KDM4A: variants seen among roughly 807,000 people sequenced by gnomAD.
KDM4A encodes the protein lysine-specific demethylase 4A.
Under a neutral mutation model 127.1 loss-of-function variants are expected in KDM4A, and 23 were observed. That is an observed-to-expected ratio of 0.18 (90% CI 0.13 to 0.26). KDM4A has a LOEUF of 0.26. KDM4A is among the 10% of genes least tolerant of loss of function. The pLI is 1.00. For missense variants in KDM4A, 890 were observed against 1,329.1 expected, an observed-to-expected ratio of 0.67 and a Z score of 5.14; for synonymous variants, 443 against 466.5, an observed-to-expected ratio of 0.95 and a Z score of 0.65.
rs1448781795 is a variant in KDM4A, at chr1:43,667,520, A to G, written c.916-252A>G. Among the ~76,000 whole-genome samples the G allele has an allele frequency of 4.5e-4, 68 of 151,994 alleles. 1 individual carries two copies. Among genetic ancestry groups the G allele is most frequent in the Admixed American group, 4.5e-3 (68 of 15,264 alleles). On this transcript the variant is annotated intron_variant, in intron 8 of 21. Coordinates refer to ENST00000372396, the MANE Select transcript of KDM4A (RefSeq NM_014663.3). ...GGGGGCCTAAGTGCAGAGCCTAACC[A>G]CCCTCTGTGACCCCGAGTTAGTGCC...
chr1:43,686,810 T>G (rs939972995), intron 12 of KDM4A, among the ~76,000 whole-genome samples: 3 of 152,226 alleles, frequency 2.0e-5, no homozygotes, highest in Admixed American at 1.3e-4. Flanking sequence ...TTAAAAAAAT[T>G]TCAATTCAAG....
chr1:43,689,818 G>A (rs1661068368), intron 13 of KDM4A, among the ~76,000 whole-genome samples: 1 of 152,222 alleles, frequency 6.6e-6, no homozygotes, highest in South Asian at 2.1e-4. Context: ...GAGCCTGGCA[G>A]GGCCCCAGAT....
At chr1:43,689,244 TCTTC>T in intron 13 of KDM4A, 149 bp downstream of exon 13, 1 of 787,658 alleles carries the variant, frequency 1.3e-6, no homozygotes, top group South Asian at 1.7e-5. Context: ...TATTGGTCAG[TCTTC>T]TCCAGGCAGA....
At chr1:43,660,199 T>C in intron 3 of KDM4A, 99 bp from the exon 4 acceptor site, 2 of 1,306,510 alleles carry the variant, frequency 1.5e-6, no homozygotes, top group Non-Finnish European at 2.2e-6. Flanking sequence ...CATTTGAAAT[T>C]CTTGCTGTCA....
At chr1:43,663,869 AG>A (rs1011466902) in intron 5 of KDM4A, among the ~76,000 whole-genome samples, 3 of 152,068 alleles carry the variant, frequency 2.0e-5, no homozygotes, top group African/African-American at 7.2e-5. Context: ...CCTGGGCTCA[AG>A]CAGTCCTCCT....
chr1:43,658,025 C>A (rs1227021388), intron 3 of KDM4A, among the ~76,000 whole-genome samples: 5 of 149,682 alleles, frequency 3.3e-5, no homozygotes, highest in Non-Finnish European at 7.4e-5. Flanking sequence ...ATGTCTATTC[C>A]TTTCGTCCTA....
Position 43,699,586 on chromosome 1 carries a change from T to C in KDM4A, c.2841+1573T>C, listed in dbSNP as rs546288607. Among the ~76,000 whole-genome samples, 35 of 152,334 alleles carry C rather than the reference T, an allele frequency of 2.3e-4. 1 individual carries two copies. In the South Asian group the frequency reaches 2.7e-3, roughly 12 times the overall value. Reference sequence around the variant, plus strand: ...AGAGCCTGTGTTTCTCTGGGTTACATCTAAACGTATTTATTCTTATTAGAA... The same window carrying C: ...AGAGCCTGTGTTTCTCTGGGTTACACCTAAACGTATTTATTCTTATTAGAA... On this transcript the variant is annotated intron_variant, in intron 19 of 21. Coordinates refer to ENST00000372396, the MANE Select transcript of KDM4A (RefSeq NM_014663.3).
At chr1:43,682,303 G>C (rs910214678) in intron 11 of KDM4A, among the ~76,000 whole-genome samples, 2 of 152,218 alleles carry the variant, frequency 1.3e-5, no homozygotes, top group African/African-American at 4.8e-5. Flanking sequence ...GAGCCATTCT[G>C]GTTGGAAAGA....
chr1:43,662,871 C>G (rs1278136401), intron 4 of KDM4A, 23 bp from the exon 5 acceptor site: 2 of 1,585,152 alleles, frequency 1.3e-6, no homozygotes, highest in East Asian at 4.5e-5. Flanking sequence ...GTAACTTGCC[C>G]TGGACTGTCA....
At chr1:43,661,108 G>A (rs1031789843) in intron 4 of KDM4A, among the ~76,000 whole-genome samples, 1 of 151,874 alleles carries the variant, frequency 6.6e-6, no homozygotes, top group Non-Finnish European at 1.5e-5. Context: ...CTGAGTAGCT[G>A]GGATTATAGG....
At chr1:43,654,481 T>C (rs1660190025) in intron 2 of KDM4A, among the ~76,000 whole-genome samples, 1 of 152,098 alleles carries the variant, frequency 6.6e-6, no homozygotes, top group Non-Finnish European at 1.5e-5. Flanking sequence ...CTTTTTTCCT[T>C]TTTAACAACA....
chr1:43,686,151 G>GTTTT lies in KDM4A; in HGVS notation c.1855+2365_1855+2368dup, dbSNP rs35512755. Reference sequence around the variant, plus strand: ...CTCCCCCTACTTTTTTTTGTTTCTTGTTTTTTTTTTTTTTTTTTTTTGAGA... The same window carrying GTTTT: ...CTCCCCCTACTTTTTTTTGTTTCTTGTTTTTTTTTTTTTTTTTTTTTTTTTGAGA... On this transcript the variant is annotated intron_variant, in intron 12 of 21. Transcript: ENST00000372396. 1.7e-3 allele frequency among the ~76,000 whole-genome samples: 170 copies of GTTTT among 97,890 alleles called. 1 individual carries two copies. The highest frequency in any genetic ancestry group is 2.0e-3 in the Non-Finnish European group (105 of 52,414). The allele number at this position is 97,890 out of a possible 152,430, so 64.2% of individuals were successfully genotyped here. A position where few individuals can be genotyped will look rare whatever the true frequency, so the allele number is the denominator to read the frequency against.
chr1:43,695,094 T>G (rs1390730804), intron 18 of KDM4A, among the ~76,000 whole-genome samples, 200 bp downstream of exon 18: 1 of 152,202 alleles, frequency 6.6e-6, no homozygotes, highest in African/African-American at 2.4e-5. Context: ...GACACCAAAC[T>G]GCTTGTAGTT....
chr1:43,662,725 C>A (rs545034144), intron 4 of KDM4A, among the ~76,000 whole-genome samples, 169 bp from the exon 5 acceptor site: 2 of 152,246 alleles, frequency 1.3e-5, no homozygotes, highest in South Asian at 4.1e-4. Flanking sequence ...CAGTGGTAGC[C>A]GTGAAAGTCA....
At chr1:43,692,933 G>C (rs1490597833) in intron 16 of KDM4A, among the ~76,000 whole-genome samples, 1 of 152,208 alleles carries the variant, frequency 6.6e-6, no homozygotes, top group East Asian at 1.9e-4. Flanking sequence ...GGAAGAGCTA[G>C]CTGTCTAGGG....
intron 11 of KDM4A, among the ~76,000 whole-genome samples, chr1:43,678,290 G>T (rs1374277784): frequency 6.6e-6 from 1 of 152,128 alleles, no homozygotes; most frequent in African/African-American, 2.4e-5. Context: ...GCACTGGTGG[G>T]CATGGAAGAA....
intron 19 of KDM4A, 119 bp from the exon 20 acceptor site, chr1:43,703,498 G>A: frequency 7.8e-7 from 1 of 1,282,864 alleles, no homozygotes; most frequent in Non-Finnish European, 1.1e-6. Context: ...AGCCCAGAGA[G>A]CTGCCTTGCT....
chr1:43,675,941 C>T (rs933252869), intron 11 of KDM4A, among the ~76,000 whole-genome samples: 18 of 151,582 alleles, frequency 1.2e-4, no homozygotes, highest in African/African-American at 4.4e-4. Context: ...GGTGTGGTGG[C>T]GGGCGCCTAT....
At chr1:43,662,588 C>CA (rs1660408996) in intron 4 of KDM4A, among the ~76,000 whole-genome samples, 1 of 152,210 alleles carries the variant, frequency 6.6e-6, no homozygotes, top group Admixed American at 6.5e-5. Flanking sequence ...GCCTGAGCAA[C>CA]AGAGCGAGAC....
Sources: gnomAD v4.1 joint callset for allele counts (sites outside exome capture counted in the v4.1 genomes callset) on GRCh38, gnomAD v4.1.1 for gene constraint, MANE v1.5 for transcripts, NCBI Gene and HGNC (gene_info 2026-07-23, HGNC 2026-07-21) for gene names.